The following ITGBL1 variants were observed in gnomAD, a reference collection of about 807,000 sequenced individuals.
The protein encoded by ITGBL1 is integrin subunit beta like 1, also known as integrin beta-like protein 1.
Under a neutral mutation model 68.5 loss-of-function variants are expected in ITGBL1, and 51 were observed. That is an observed-to-expected ratio of 0.74 (90% CI 0.59 to 0.94). ITGBL1 has a LOEUF of 0.94. Ranked by LOEUF, ITGBL1 falls within the 40% of genes least tolerant of loss-of-function variation. The pLI, the probability that ITGBL1 is intolerant of heterozygous loss-of-function variation, is 0.00. For synonymous variants in ITGBL1, 209 were observed against 227.3 expected (o/e 0.92, Z 0.72); for missense variants, 649 against 647.4 (o/e 1.00, Z -0.03).
chr13:101,631,410 T>C (rs546277368), intron 7 of ITGBL1, among the ~76,000 whole-genome samples: 5 of 152,216 alleles, frequency 3.3e-5, no homozygotes, highest in Non-Finnish European at 5.9e-5. Flanking sequence ...AAATGATTTG[T>C]AGATGTTAAG....
chr13:101,521,343 A>G lies in ITGBL1; in HGVS notation c.317-46356A>G, dbSNP rs180978958. ...TATGGGAAACAGACAATAAGTGAGA[A>G]AATAAGTAAAAAATAAAGTAGGTTA... On this transcript the variant is annotated intron_variant, in intron 2 of 10. Transcript: ENST00000376180. 3.6e-4 allele frequency among the ~76,000 whole-genome samples: 55 copies of G among 152,348 alleles called. 1 individual carries two copies. In the East Asian group the frequency reaches 8.7e-3, roughly 24 times the overall value.
At chr13:101,512,843 A>G (rs1018866755) in intron 2 of ITGBL1, among the ~76,000 whole-genome samples, 1 of 152,144 alleles carries the variant, frequency 6.6e-6, no homozygotes, top group Non-Finnish European at 1.5e-5. Context: ...AGAATATATT[A>G]TAACAGAATA....
chr13:101,518,324 T>C (rs550294245), intron 2 of ITGBL1, among the ~76,000 whole-genome samples: 1 of 152,316 alleles, frequency 6.6e-6, no homozygotes, highest in South Asian at 2.1e-4. Flanking sequence ...TCAATCGTTA[T>C]GTTAAGATAC....
At chr13:101,461,017 G>T (rs1427573460) in intron 2 of ITGBL1, among the ~76,000 whole-genome samples, 1 of 152,076 alleles carries the variant, frequency 6.6e-6, no homozygotes, top group African/African-American at 2.4e-5. Flanking sequence ...GACATACCTT[G>T]CCCTGGACTA....
chr13:101,708,963 C>G (rs985191458), intron 9 of ITGBL1, among the ~76,000 whole-genome samples: 9 of 152,222 alleles, frequency 5.9e-5, no homozygotes, highest in Non-Finnish European at 8.8e-5. Flanking sequence ...GGGGCTTCAG[C>G]CCCTAGAAAC....
At position 101,466,098 on chromosome 13, in the gene ITGBL1, A is replaced by G. The variant is rs1297103045; in HGVS notation, c.316+11998A>G. Among the ~76,000 whole-genome samples, 11 of 152,324 alleles carry G rather than the reference A, an allele frequency of 7.2e-5. 1 individual carries two copies. The highest frequency in any genetic ancestry group is 2.6e-4 in the African/African-American group (11 of 41,582). ...ACTAAACTATGGCCAACTTTGACTC[A>G]TCCTTTTCATTTGCTCTCATATCCT... On this transcript the variant is annotated intron_variant, in intron 2 of 10. Coordinates refer to ENST00000376180, the MANE Select transcript of ITGBL1 (RefSeq NM_004791.3).
At chr13:101,605,739 C>T (rs574279791) in intron 7 of ITGBL1, among the ~76,000 whole-genome samples, 1 of 150,828 alleles carries the variant, frequency 6.6e-6, no homozygotes. Context: ...CGTATGTAGA[C>T]ATATGTATGT....
intron 2 of ITGBL1, among the ~76,000 whole-genome samples, chr13:101,538,342 G>A (rs1181601901): frequency 1.3e-5 from 2 of 151,538 alleles, no homozygotes; most frequent in African/African-American, 4.8e-5. Context: ...CAGACTAGAA[G>A]TAATGAATAT....
intron 2 of ITGBL1, among the ~76,000 whole-genome samples, chr13:101,484,820 TAATGAA>T (rs2048677591): frequency 6.6e-6 from 1 of 152,048 alleles, no homozygotes; most frequent in African/African-American, 2.4e-5. Flanking sequence ...GAAGAAATAA[TAATGAA>T]AATATTTCAA....
At chr13:101,550,167 G>T in intron 2 of ITGBL1, among the ~76,000 whole-genome samples, 1 of 152,136 alleles carries the variant, frequency 6.6e-6, no homozygotes, top group East Asian at 1.9e-4. Flanking sequence ...TCTTGTGTTT[G>T]CATATTTTTG....
At chr13:101,601,072 C>G (rs559250845) in intron 7 of ITGBL1, among the ~76,000 whole-genome samples, 18 of 152,244 alleles carry the variant, frequency 1.2e-4, no homozygotes, top group African/African-American at 4.1e-4. Context: ...TAGTCGTGGA[C>G]TGTGTTTGGT....
At chr13:101,704,694 A>G (rs184595010) in intron 8 of ITGBL1, among the ~76,000 whole-genome samples, 11 of 152,288 alleles carry the variant, frequency 7.2e-5, no homozygotes, top group East Asian at 3.9e-4. Context: ...CTAAAGTGAA[A>G]TATAGAAGCA....
At chr13:101,537,075 G>A (rs911999798) in intron 2 of ITGBL1, among the ~76,000 whole-genome samples, 12 of 151,978 alleles carry the variant, frequency 7.9e-5, no homozygotes, top group Admixed American at 3.3e-4. Context: ...TGGATAAAAC[G>A]TATGTAAGCA....
intron 2 of ITGBL1, among the ~76,000 whole-genome samples, chr13:101,528,861 A>G (rs1425597077): frequency 1.3e-5 from 2 of 152,012 alleles, no homozygotes; most frequent in Non-Finnish European, 2.9e-5. Flanking sequence ...TGTAAGACAA[A>G]AGAGAATGAG....
intron 7 of ITGBL1, among the ~76,000 whole-genome samples, chr13:101,681,692 G>T (rs1054428661): frequency 1.3e-5 from 2 of 152,082 alleles, no homozygotes; most frequent in Admixed American, 1.3e-4. Flanking sequence ...AAAGTCTAAG[G>T]CTTGAGATAT....
At chr13:101,573,299 A>G (rs969298730) in intron 3 of ITGBL1, among the ~76,000 whole-genome samples, 1 of 152,216 alleles carries the variant, frequency 6.6e-6, no homozygotes, top group African/African-American at 2.4e-5. Flanking sequence ...AATAAAATGA[A>G]GTTTAATGAC....
chr13:101,579,259 C>T (rs1260662956), intron 4 of ITGBL1, 28 bp from the exon 5 acceptor site: 1 of 1,598,328 alleles, frequency 6.3e-7, no homozygotes. Context: ...CTTTTTTCCT[C>T]ACTGTATAAA....
chr13:101,531,856 C>A (rs1180545446), intron 2 of ITGBL1, among the ~76,000 whole-genome samples: 1 of 151,798 alleles, frequency 6.6e-6, no homozygotes, highest in Non-Finnish European at 1.5e-5. Flanking sequence ...GCCTCAGCCT[C>A]CCAAGTAGCT....
chr13:101,624,061 C>T (rs1036512214), intron 7 of ITGBL1, among the ~76,000 whole-genome samples: 6 of 152,138 alleles, frequency 3.9e-5, no homozygotes, highest in Non-Finnish European at 7.4e-5. Context: ...CCTAAAGCCA[C>T]CAGGATTCCT....
Sources: gnomAD v4.1 joint callset for allele counts (sites outside exome capture counted in the v4.1 genomes callset) on GRCh38, gnomAD v4.1.1 for gene constraint, MANE v1.5 for transcripts, NCBI Gene and HGNC (gene_info 2026-07-23, HGNC 2026-07-21) for gene names.